Variants in PRR16 observed in about 807,000 individuals in gnomAD.
PRR16 encodes the protein proline rich 16.
PRR16 carries 6 observed loss-of-function variants against 18.2 expected under a neutral mutation model. That is an observed-to-expected ratio of 0.33 (90% CI 0.18 to 0.65). The LOEUF (loss-of-function observed/expected upper bound fraction) is 0.65, where lower values mean the gene tolerates loss of function less well. Among genes scored for constraint, PRR16 ranks in the 30% least tolerant of loss-of-function variants. PRR16 has a pLI of 0.74. For synonymous variants in PRR16, 151 were observed against 147.8 expected, an observed-to-expected ratio of 1.02 and a Z score of -0.16; for missense variants, 412 against 376.6, an observed-to-expected ratio of 1.09 and a Z score of -0.78.
At position 120,582,439 on chromosome 5, in the gene PRR16, CT is replaced by C. The variant is rs545775550; in HGVS notation, c.160-103514del. ...TGTGTAACAAACATGACATGTACCC[CT>C]GAATCTAAAATAAAATAAATTAAAA... On this transcript the variant is annotated intron_variant, in intron 1 of 1. Transcript: ENST00000407149. Among the ~76,000 whole-genome samples, 140 of 151,708 alleles carry C rather than the reference CT, an allele frequency of 9.2e-4. 3 individuals carry two copies. In the Middle Eastern group the frequency reaches 0.048, roughly 52 times the overall value.
intron 1 of PRR16, among the ~76,000 whole-genome samples, chr5:120,635,131 G>A (rs114243213): frequency 0.015 from 2,349 of 152,058 alleles, 23 homozygotes; most frequent in Middle Eastern, 0.031. Context: ...TTAAAAATTT[G>A]CCAACAAATA....
At chr5:120,675,100 TG>T in intron 1 of PRR16, among the ~76,000 whole-genome samples, 1 of 152,312 alleles carries the variant, frequency 6.6e-6, no homozygotes, top group Admixed American at 6.5e-5. Context: ...TGTTTTGTGT[TG>T]TTGCTTATTT....
At chr5:120,670,450 T>C (rs1238817050) in intron 1 of PRR16, among the ~76,000 whole-genome samples, 1 of 152,160 alleles carries the variant, frequency 6.6e-6, no homozygotes, top group Non-Finnish European at 1.5e-5. Context: ...TGTTTTCAAA[T>C]TTTATGTAAC....
downstream of PRR16, among the ~76,000 whole-genome samples, chr5:120,691,034 ATATT>A (rs1470765715): frequency 1.3e-5 from 2 of 152,214 alleles, no homozygotes; most frequent in African/African-American, 4.8e-5. Flanking sequence ...GTAGGTATAT[ATATT>A]CTTTCTCAAA....
At chr5:120,659,540 C>G (rs866398142) in intron 1 of PRR16, among the ~76,000 whole-genome samples, 1 of 152,108 alleles carries the variant, frequency 6.6e-6, no homozygotes, top group Middle Eastern at 3.4e-3. Flanking sequence ...ATTGGGATAT[C>G]TATCATCTCA....
the PRR16 span, among the ~76,000 whole-genome samples, chr5:120,697,672 C>T: frequency 4.9e-3 from 748 of 151,474 alleles, 3 homozygotes; most frequent in African/African-American, 8.5e-3. Flanking sequence ...AGGGTGGGGC[C>T]GTTTTATAGG....
intron 1 of PRR16, among the ~76,000 whole-genome samples, chr5:120,577,922 A>G (rs983839450): frequency 6.6e-6 from 1 of 152,212 alleles, no homozygotes; most frequent in African/African-American, 2.4e-5. Context: ...AGTGGCTGGG[A>G]TGTGTGTAAA....
chr5:120,588,224 A>G lies in PRR16; in HGVS notation c.160-97730A>G, dbSNP rs150688224. 6.3e-3 allele frequency among the ~76,000 whole-genome samples: 965 copies of G among 152,338 alleles called. 14 individuals carry two copies. The highest frequency in any genetic ancestry group is 0.021 in the African/African-American group (878 of 41,570). On this transcript the variant is annotated intron_variant, in intron 1 of 1. Transcript: ENST00000407149. ...TCTGGTGAAAATGTTGTGAACATTG[A>G]TGACATAACAGATTTGGAATATTGC...
At chr5:120,745,420 T>TA in the PRR16 span, among the ~76,000 whole-genome samples, 1 of 152,142 alleles carries the variant, frequency 6.6e-6, no homozygotes, top group Non-Finnish European at 1.5e-5. Context: ...TCTTTCTCAT[T>TA]ATGCTCTTTC....
At chr5:120,699,053 AAG>A in the PRR16 span, among the ~76,000 whole-genome samples, 3 of 152,128 alleles carry the variant, frequency 2.0e-5, no homozygotes, top group South Asian at 6.2e-4. Context: ...TATTCAGACT[AAG>A]AGGTATTTTA....
the PRR16 span, among the ~76,000 whole-genome samples, chr5:120,780,988 T>C: frequency 6.6e-6 from 1 of 152,146 alleles, no homozygotes; most frequent in Non-Finnish European, 1.5e-5. Flanking sequence ...AGGCGGAAGT[T>C]GCAGTGAGCC....
At chr5:120,472,509 C>T (rs907389229) in intron 1 of PRR16, among the ~76,000 whole-genome samples, 1 of 151,878 alleles carries the variant, frequency 6.6e-6, no homozygotes, top group Non-Finnish European at 1.5e-5. Flanking sequence ...AAAGCTCACA[C>T]AAACGTGGTT....
At chr5:120,547,574 A>G (rs1356265655) in intron 1 of PRR16, among the ~76,000 whole-genome samples, 1 of 151,220 alleles carries the variant, frequency 6.6e-6, no homozygotes, top group Non-Finnish European at 1.5e-5. Context: ...TTTTTTTTAC[A>G]GTAGTAGCTA....
the PRR16 span, among the ~76,000 whole-genome samples, chr5:120,706,001 G>A: frequency 6.6e-6 from 1 of 152,096 alleles, no homozygotes; most frequent in Non-Finnish European, 1.5e-5. Context: ...TTTCATCATT[G>A]TGCTTTAACA....
chr5:120,739,825 T>C, the PRR16 span, among the ~76,000 whole-genome samples: 1 of 152,158 alleles, frequency 6.6e-6, no homozygotes, highest in Non-Finnish European at 1.5e-5. Context: ...CTAGAAATTC[T>C]GCAATTCCTA....
the PRR16 span, among the ~76,000 whole-genome samples, chr5:120,759,190 A>G: frequency 1.3e-5 from 2 of 151,780 alleles, no homozygotes; most frequent in African/African-American, 4.8e-5. Flanking sequence ...GTTAGCCAGG[A>G]TGGTATTGAT....
the PRR16 span, among the ~76,000 whole-genome samples, chr5:120,769,857 CCTCA>C: frequency 6.6e-6 from 1 of 151,868 alleles, no homozygotes; most frequent in African/African-American, 2.4e-5. Flanking sequence ...TTTGTCATAT[CCTCA>C]CTGACACTTG....
the PRR16 span, among the ~76,000 whole-genome samples, chr5:120,789,341 C>A: frequency 6.6e-6 from 1 of 151,956 alleles, no homozygotes; most frequent in African/African-American, 2.4e-5. Context: ...TGTGGCATTT[C>A]TTTTTGTTTT....
intron 1 of PRR16, among the ~76,000 whole-genome samples, chr5:120,478,036 T>C (rs952031184): frequency 2.8e-4 from 43 of 152,214 alleles, no homozygotes; most frequent in African/African-American, 9.6e-4. Flanking sequence ...ATATTTATTA[T>C]TATTTCCTGC....
Sources: allele counts gnomAD v4.1 joint callset (sites outside exome capture counted in the v4.1 genomes callset), GRCh38; gene constraint gnomAD v4.1.1; transcripts MANE v1.5; gene names NCBI Gene and HGNC (gene_info 2026-07-23, HGNC 2026-07-21).